The following ZFAND3 variants were observed in gnomAD, a reference collection of about 807,000 sequenced individuals.
ZFAND3 encodes the protein zinc finger AN1-type containing 3.
A neutral mutation model predicts 29.6 loss-of-function variants in ZFAND3; 10 were observed. That is an observed-to-expected ratio of 0.34 (90% CI 0.21 to 0.57). The LOEUF (loss-of-function observed/expected upper bound fraction) is 0.57, where lower values mean the gene tolerates loss of function less well. ZFAND3 is among the 20% of genes least tolerant of loss of function. The pLI, the probability that ZFAND3 is intolerant of heterozygous loss-of-function variation, is 0.86. For synonymous variants in ZFAND3, 128 were observed against 112.6 expected, an observed-to-expected ratio of 1.14 and a Z score of -0.87; for missense variants, 230 against 304.5, an observed-to-expected ratio of 0.76 and a Z score of 1.82.
At chr6:38,030,057 TATATATATATATATATATATATATA>T (rs1561972359) in intron 2 of ZFAND3, among the ~76,000 whole-genome samples, 8 of 20,908 alleles carry the variant, frequency 3.8e-4, no homozygotes, top group Non-Finnish European at 4.3e-4. Context: ...GCTGGATATA[TATATATATATATATATATATATATA>T]TATATATATA....
intron 5 of ZFAND3, among the ~76,000 whole-genome samples, chr6:38,124,043 G>T (rs555979141): frequency 6.6e-6 from 1 of 152,094 alleles, no homozygotes; most frequent in Non-Finnish European, 1.5e-5. Context: ...TTTACAGAGC[G>T]CCAGTTGTTT....
chr6:37,879,379 A>G (rs1764851300), intron 1 of ZFAND3, among the ~76,000 whole-genome samples: 1 of 149,024 alleles, frequency 6.7e-6, no homozygotes, highest in Admixed American at 6.7e-5. Context: ...TGGTGCAGGG[A>G]GTAGGTAGGG....
At position 37,992,469 on chromosome 6, in the gene ZFAND3, C is replaced by G. The variant is rs570415053; in HGVS notation, c.112+62470C>G. ...AATTCCTATGTATCTTTCACTGAGA[C>G]TGAGCAGTTACTTGCATTTTTCCAC... is the stretch of plus-strand genomic sequence containing the variant. On this transcript the variant is annotated intron_variant, in intron 2 of 5. Coordinates refer to ENST00000287218, the MANE Select transcript of ZFAND3 (RefSeq NM_021943.3). Among the ~76,000 whole-genome samples, 3 of 152,304 alleles carry G rather than the reference C, an allele frequency of 2.0e-5. No individual in the cohort carries two copies. In the South Asian group the frequency reaches 6.2e-4, roughly 32 times the overall value.
chr6:38,059,557 A>C (rs1173302632), intron 2 of ZFAND3, among the ~76,000 whole-genome samples: 1 of 152,078 alleles, frequency 6.6e-6, no homozygotes, highest in Non-Finnish European at 1.5e-5. Context: ...TGCTATTCTG[A>C]ATTACGCTAA....
At chr6:38,098,069 A>G (rs11756626) in intron 4 of ZFAND3, among the ~76,000 whole-genome samples, 10,395 of 152,104 alleles carry the variant, frequency 0.068, 428 homozygotes, top group Non-Finnish European at 0.087. Context: ...GCCTGGCCCC[A>G]CCCCGCTTTT....
At chr6:37,820,772 A>C (rs1475778183) in intron 1 of ZFAND3, among the ~76,000 whole-genome samples, 1 of 152,230 alleles carries the variant, frequency 6.6e-6, no homozygotes, top group Admixed American at 6.5e-5. Flanking sequence ...AAAAATGATA[A>C]AAATGTTGAC....
At chr6:37,961,909 T>C (rs564263951) in intron 2 of ZFAND3, among the ~76,000 whole-genome samples, 25 of 152,170 alleles carry the variant, frequency 1.6e-4, no homozygotes, top group Non-Finnish European at 2.8e-4. Context: ...AAGCCCAGAC[T>C]GCAAAGACTA....
chr6:38,138,942 C>T (rs1765896709), intron 5 of ZFAND3, among the ~76,000 whole-genome samples: 1 of 152,088 alleles, frequency 6.6e-6, no homozygotes, highest in Non-Finnish European at 1.5e-5. Context: ...AATATAAGTT[C>T]AAGAGGCATC....
chr6:38,067,809 CTGT>C (rs1332594582), intron 3 of ZFAND3, among the ~76,000 whole-genome samples: 4 of 152,158 alleles, frequency 2.6e-5, no homozygotes, highest in African/African-American at 9.7e-5. Flanking sequence ...GTCAGCTTTT[CTGT>C]TGTTATGCTT....
At chr6:37,923,882 A>C (rs1761431405) in intron 1 of ZFAND3, among the ~76,000 whole-genome samples, 1 of 152,234 alleles carries the variant, frequency 6.6e-6, no homozygotes, top group Non-Finnish European at 1.5e-5. Flanking sequence ...ACCATACAAC[A>C]ACCAATACTG....
chr6:38,007,180 T>A (rs1371115198), intron 2 of ZFAND3, among the ~76,000 whole-genome samples: 2 of 152,234 alleles, frequency 1.3e-5, no homozygotes, highest in Non-Finnish European at 2.9e-5. Context: ...AGCATATATT[T>A]AGCTTTATGA....
Position 38,154,381 on chromosome 6 carries a change from G to A in ZFAND3, c.*1992G>A. 1.8e-6 allele frequency: 1 copy of A among 567,630 alleles called. No homozygotes were observed. The highest frequency in any genetic ancestry group is 2.2e-6 in the Non-Finnish European group (1 of 450,090). 35.2% of individuals were successfully genotyped at this position (567,630 alleles called of 1,614,324 possible). A position where few individuals can be genotyped will look rare whatever the true frequency, so the allele number is the denominator to read the frequency against. ...GCTTCCTGACTTAGAGCTGGGGGGG[G>A]TGGGGGGTGGGGCTTGTTCCCCTGC... On this transcript the variant is annotated 3_prime_UTR_variant, in exon 6 of 6. Coordinates refer to ENST00000287218, the MANE Select transcript of ZFAND3 (RefSeq NM_021943.3).
At chr6:37,927,378 A>T (rs1245568382) in intron 1 of ZFAND3, among the ~76,000 whole-genome samples, 2 of 152,178 alleles carry the variant, frequency 1.3e-5, no homozygotes, top group African/African-American at 4.8e-5. Context: ...CGTGGACAAG[A>T]GATAGTGACC....
intron 2 of ZFAND3, among the ~76,000 whole-genome samples, chr6:38,043,717 T>G (rs1000565319): frequency 2.6e-5 from 4 of 152,052 alleles, no homozygotes; most frequent in African/African-American, 4.8e-5. Flanking sequence ...GTCCAAGGAC[T>G]CCTCCTGCCT....
intron 2 of ZFAND3, among the ~76,000 whole-genome samples, chr6:38,047,415 G>T (rs576705179): frequency 6.6e-6 from 1 of 151,938 alleles, no homozygotes; most frequent in African/African-American, 2.4e-5. Context: ...GCAGAATATA[G>T]TATCTTTATT....
chr6:38,043,820 A>ATTTC (rs1763844836), intron 2 of ZFAND3, among the ~76,000 whole-genome samples: 1 of 151,670 alleles, frequency 6.6e-6, no homozygotes, highest in South Asian at 2.1e-4. Context: ...TTATTTATTT[A>ATTTC]TTTATTTAGA....
At chr6:37,977,013 T>C (rs931794582) in intron 2 of ZFAND3, among the ~76,000 whole-genome samples, 2 of 152,236 alleles carry the variant, frequency 1.3e-5, no homozygotes, top group Admixed American at 6.5e-5. Flanking sequence ...TTTATGGTCA[T>C]GTGTCTCTTA....
chr6:37,977,242 A>G (rs750100963), intron 2 of ZFAND3, among the ~76,000 whole-genome samples: 5 of 152,310 alleles, frequency 3.3e-5, no homozygotes, highest in South Asian at 2.1e-4. Flanking sequence ...GTTACGTCGT[A>G]TAACTGTATT....
chr6:38,010,639 A>G (rs1451787758), intron 2 of ZFAND3, among the ~76,000 whole-genome samples: 1 of 138,908 alleles, frequency 7.2e-6, no homozygotes, highest in Non-Finnish European at 1.5e-5. Flanking sequence ...TTGCTCTGTC[A>G]CCCAGGCTGG....
Sources: allele counts gnomAD v4.1 joint callset (sites outside exome capture counted in the v4.1 genomes callset), GRCh38; gene constraint gnomAD v4.1.1; transcripts MANE v1.5; gene names NCBI Gene and HGNC (gene_info 2026-07-23, HGNC 2026-07-21).